Variants in TEAD1 observed in about 807,000 individuals in gnomAD.
TEAD1 encodes the protein transcriptional enhancer factor TEF-1.
A neutral mutation model predicts 54.9 loss-of-function variants in TEAD1; 9 were observed. That is an observed-to-expected ratio of 0.16 (90% CI 0.10 to 0.29). TEAD1 has a LOEUF of 0.29. TEAD1 is among the 10% of genes least tolerant of loss of function. The probability of loss-of-function intolerance (pLI) is 1.00; values close to 1 mark genes in which losing one functional copy is unlikely to be tolerated. For missense variants in TEAD1, 387 were observed against 535.9 expected (o/e 0.72, Z 2.74); for synonymous variants, 200 against 187.8 (o/e 1.07, Z -0.53).
intron 3 of TEAD1, among the ~76,000 whole-genome samples, chr11:12,796,194 A>G (rs1945916290): frequency 6.6e-6 from 1 of 152,186 alleles, no homozygotes; most frequent in South Asian, 2.1e-4. Flanking sequence ...TCTTACAGAT[A>G]CTAAGTGTTG....
In TEAD1 at chr11:12,888,797, A is replaced by T. The variant is rs1336628219; in HGVS notation, c.699+5672A>T. 3.3e-5 allele frequency among the ~76,000 whole-genome samples: 5 copies of T among 152,254 alleles called. No homozygotes were observed. The South Asian group carries it at 6.2e-4, about 19-fold the overall frequency. On this transcript the variant is annotated intron_variant, in intron 9 of 12. Coordinates refer to ENST00000527636, the MANE Select transcript of TEAD1 (RefSeq NM_021961.6). The stretch of plus-strand genomic sequence containing the variant: ...GCCCAGTGTTAGACAGCCAGCTGAC[A>T]TGGGAAGTAGGATTCAGATCCAGGT...
intron 8 of TEAD1, 59 bp from the exon 9 acceptor site, chr11:12,882,942 T>G: frequency 6.2e-7 from 1 of 1,613,936 alleles, no homozygotes; most frequent in Admixed American, 1.7e-5. Flanking sequence ...TTCCAGTATT[T>G]GCCTGAGGCC....
intron 9 of TEAD1, among the ~76,000 whole-genome samples, chr11:12,895,144 A>C (rs1196409627): frequency 6.6e-6 from 1 of 152,182 alleles, no homozygotes; most frequent in African/African-American, 2.4e-5. Flanking sequence ...AGCAGGGACC[A>C]GGAAACAAAG....
chr11:12,794,162 T>C (rs58762086), intron 3 of TEAD1, among the ~76,000 whole-genome samples: 5,223 of 152,342 alleles, frequency 0.034, 321 homozygotes, highest in African/African-American at 0.12. Context: ...GTATGAGCTG[T>C]GTAACCCTGC....
intron 3 of TEAD1, among the ~76,000 whole-genome samples, chr11:12,805,759 A>T (rs1164262986): frequency 6.6e-6 from 1 of 152,226 alleles, no homozygotes; most frequent in African/African-American, 2.4e-5. Context: ...ATTAGTAGGT[A>T]CAGAAACTAG....
chr11:12,809,972 T>C (rs1239263714), intron 3 of TEAD1, among the ~76,000 whole-genome samples: 4 of 68,488 alleles, frequency 5.8e-5, no homozygotes, highest in Non-Finnish European at 1.2e-4. Flanking sequence ...TCTTTCCCCA[T>C]TCTTTTTTTT....
At chr11:12,736,189 A>G (rs1024064960) in intron 2 of TEAD1, among the ~76,000 whole-genome samples, 1 of 152,144 alleles carries the variant, frequency 6.6e-6, no homozygotes, top group African/African-American at 2.4e-5. Context: ...TGAAATTCCA[A>G]ATGGGTCCTT....
At chr11:12,866,471 C>T (rs1400781300) in intron 5 of TEAD1, among the ~76,000 whole-genome samples, 1 of 152,156 alleles carries the variant, frequency 6.6e-6, no homozygotes, top group African/African-American at 2.4e-5. Flanking sequence ...CTTTTTCTCA[C>T]TTGGTGAATT....
intron 3 of TEAD1, among the ~76,000 whole-genome samples, chr11:12,844,959 C>CTTTT (rs3046338): frequency 0.051 from 3,281 of 64,672 alleles, 165 homozygotes; most frequent in Non-Finnish European, 0.055. Flanking sequence ...TGTATGAAAT[C>CTTTT]TTTTTTTTTT....
At chr11:12,934,829 G>A (rs547966850) in intron 12 of TEAD1, among the ~76,000 whole-genome samples, 38 of 152,234 alleles carry the variant, frequency 2.5e-4, no homozygotes, top group African/African-American at 7.5e-4. Context: ...CACTTGTCAC[G>A]TAGTAATTCA....
At chr11:12,697,798 G>A (rs1943616803) in intron 2 of TEAD1, among the ~76,000 whole-genome samples, 1 of 152,154 alleles carries the variant, frequency 6.6e-6, no homozygotes, top group Non-Finnish European at 1.5e-5. Context: ...CGAGGCGGGC[G>A]GATCACTAGA....
chr11:12,868,688 A>G (rs1947675781), intron 5 of TEAD1, among the ~76,000 whole-genome samples: 1 of 152,248 alleles, frequency 6.6e-6, no homozygotes, highest in Non-Finnish European at 1.5e-5. Flanking sequence ...TGAAAGTCTA[A>G]GATTTCTACG....
chr11:12,766,123 C>G (rs1357999723), intron 3 of TEAD1, among the ~76,000 whole-genome samples: 3 of 152,162 alleles, frequency 2.0e-5, no homozygotes, highest in African/African-American at 4.8e-5. Flanking sequence ...TATTAGAAAT[C>G]CCAATGGGGC....
chr11:12,901,099 G>C (rs575992719), intron 9 of TEAD1, among the ~76,000 whole-genome samples: 1 of 152,184 alleles, frequency 6.6e-6, no homozygotes, highest in Non-Finnish European at 1.5e-5. Flanking sequence ...ATTATGCCCA[G>C]GCCTTTGTGA....
At chr11:12,923,472 T>C (rs933091428) in intron 10 of TEAD1, among the ~76,000 whole-genome samples, 3 of 152,188 alleles carry the variant, frequency 2.0e-5, no homozygotes, top group Non-Finnish European at 4.4e-5. Context: ...CACTTAATTG[T>C]AAGCCTCACG....
chr11:12,825,972 A>G (rs1343695570), intron 3 of TEAD1, among the ~76,000 whole-genome samples: 1 of 152,230 alleles, frequency 6.6e-6, no homozygotes, highest in Non-Finnish European at 1.5e-5. Flanking sequence ...ATCCACATGC[A>G]AAAAAGGTAA....
intron 2 of TEAD1, among the ~76,000 whole-genome samples, chr11:12,751,251 G>C (rs1451336386): frequency 6.8e-6 from 1 of 148,058 alleles, no homozygotes; most frequent in Non-Finnish European, 1.5e-5. Flanking sequence ...GCAGTGAGCT[G>C]TGATCATGCC....
intron 3 of TEAD1, among the ~76,000 whole-genome samples, chr11:12,794,208 G>A (rs1206113075): frequency 2.6e-5 from 4 of 152,072 alleles, no homozygotes; most frequent in African/African-American, 4.8e-5. Flanking sequence ...GATTTTATGC[G>A]GTCCATTTGG....
At chr11:12,893,403 T>C (rs1454444285) in intron 9 of TEAD1, among the ~76,000 whole-genome samples, 2 of 152,172 alleles carry the variant, frequency 1.3e-5, no homozygotes, top group Non-Finnish European at 2.9e-5. Flanking sequence ...CACACTCTCT[T>C]GTGGCAGCAG....
Sources: gnomAD v4.1 joint callset for allele counts (sites outside exome capture counted in the v4.1 genomes callset) on GRCh38, gnomAD v4.1.1 for gene constraint, MANE v1.5 for transcripts, NCBI Gene and HGNC (gene_info 2026-07-23, HGNC 2026-07-21) for gene names.